The following CALN1 variants were observed in gnomAD, a reference collection of about 807,000 sequenced individuals.
CALN1 encodes calneuron 1.
Under a neutral mutation model 30.6 loss-of-function variants are expected in CALN1, and 17 were observed. The observed-to-expected ratio is 0.56, with a 90% CI of 0.38 to 0.83. The LOEUF (loss-of-function observed/expected upper bound fraction) is 0.83, where lower values mean the gene tolerates loss of function less well. Among genes scored for constraint, CALN1 ranks in the 40% least tolerant of loss-of-function variants. The pLI, the probability that CALN1 is intolerant of heterozygous loss-of-function variation, is 0.00. For missense variants in CALN1, 291 were observed against 354.9 expected, an observed-to-expected ratio of 0.82 and a Z score of 1.45; for synonymous variants, 156 against 131.4, an observed-to-expected ratio of 1.19 and a Z score of -1.28.
chr7:72,159,332 T>A (rs1164305962), intron 3 of CALN1, among the ~76,000 whole-genome samples: 1 of 152,144 alleles, frequency 6.6e-6, no homozygotes, highest in Admixed American at 6.6e-5. Context: ...AGACCCCATC[T>A]CAAAATCATT....
chr7:71,871,397 C>T (rs1179316569), intron 5 of CALN1, among the ~76,000 whole-genome samples: 1 of 149,688 alleles, frequency 6.7e-6, no homozygotes, highest in African/African-American at 2.4e-5. Flanking sequence ...ACCAGCCCTC[C>T]ACCTACTCCA....
chr7:72,306,920 G>A lies in CALN1; in HGVS notation c.120-28110C>T, dbSNP rs140249219. Among the ~76,000 whole-genome samples the A allele has an allele frequency of 2.5e-3, 375 of 152,126 alleles. 3 individuals carry two copies. Among genetic ancestry groups the A allele is most frequent in the Middle Eastern group, 0.017 (5 of 294 alleles). On this transcript the variant is annotated intron_variant, in intron 2 of 6. Transcript: ENST00000395275. ...GGTATTTTACAGAGTCTGACTCTTC[G>A]TTGACACTCCCAAAACCCCATCTCC...
rs1426432633 is a variant in CALN1, at chr7:72,177,152, T to C, written c.245-70858A>G. ...GAGCTACAAGAGCTCATTCACTCATTCATCTGTGCATTCATTCAATGAGCA... is the reference window on the plus strand; with the variant it reads ...GAGCTACAAGAGCTCATTCACTCATCCATCTGTGCATTCATTCAATGAGCA... On this transcript the variant is annotated intron_variant, in intron 3 of 6. Coordinates refer to ENST00000395275, the MANE Select transcript of CALN1 (RefSeq NM_031468.4). 2.0e-5 allele frequency among the ~76,000 whole-genome samples: 3 copies of C among 152,154 alleles called. No homozygotes were observed. The East Asian group carries it at 5.8e-4, about 29-fold the overall frequency.
At chr7:71,857,012 A>ATGTG (rs1554357055) in intron 5 of CALN1, among the ~76,000 whole-genome samples, 10 of 123,054 alleles carry the variant, frequency 8.1e-5, no homozygotes, top group Non-Finnish European at 1.3e-4. Context: ...TGGTGTGTAT[A>ATGTG]TGTATGTGTG....
At chr7:72,071,170 T>C (rs1185060806) in intron 4 of CALN1, among the ~76,000 whole-genome samples, 1 of 152,148 alleles carries the variant, frequency 6.6e-6, no homozygotes, top group Non-Finnish European at 1.5e-5. Context: ...CCCAATCCCA[T>C]GGCAGGGAGA....
chr7:72,252,817 G>C (rs483953), intron 3 of CALN1, among the ~76,000 whole-genome samples: 85,004 of 151,892 alleles, frequency 0.56, 24,079 homozygotes, highest in South Asian at 0.65. Context: ...TACTATGCCT[G>C]CTGCCACAAG....
At chr7:72,335,370 G>T (rs1295244805) in intron 2 of CALN1, among the ~76,000 whole-genome samples, 2 of 152,162 alleles carry the variant, frequency 1.3e-5, no homozygotes, top group East Asian at 1.9e-4. Context: ...ACCTGAAAAT[G>T]CTAGGAGCTC....
chr7:71,907,427 G>C (rs950095943), intron 5 of CALN1, among the ~76,000 whole-genome samples: 17 of 152,174 alleles, frequency 1.1e-4, no homozygotes, highest in African/African-American at 4.1e-4. Context: ...GCAAAGGTCA[G>C]TGATTCTCCA....
At chr7:72,387,518 A>G (rs1805306489) in intron 2 of CALN1, among the ~76,000 whole-genome samples, 1 of 152,152 alleles carries the variant, frequency 6.6e-6, no homozygotes, top group Non-Finnish European at 1.5e-5. Flanking sequence ...GGTCAACATC[A>G]ACGGTGACAG....
chr7:72,478,403 A>G, the CALN1 span, among the ~76,000 whole-genome samples: 3 of 146,440 alleles, frequency 2.0e-5, no homozygotes, highest in East Asian at 5.9e-4. Flanking sequence ...ATATATATAT[A>G]TTTTTTCTTA....
At position 72,388,188 on chromosome 7, in the gene CALN1, A is replaced by T. The variant is rs150590593; in HGVS notation, c.119+15063T>A. Among the ~76,000 whole-genome samples, 18 of 152,316 alleles carry T rather than the reference A, an allele frequency of 1.2e-4. No homozygotes were observed. The East Asian group carries it at 3.3e-3, about 28-fold the overall frequency. On this transcript the variant is annotated intron_variant, in intron 2 of 6. Transcript: ENST00000395275. ...TGCTAATTACCCTGATTTGATCAAT[A>T]CACAATCCACAAACGTGTAACATTA...
At chr7:71,943,467 A>T (rs950748367) in intron 5 of CALN1, among the ~76,000 whole-genome samples, 1 of 152,026 alleles carries the variant, frequency 6.6e-6, no homozygotes, top group Non-Finnish European at 1.5e-5. Flanking sequence ...TTGAGACAGG[A>T]TCTCACTCTG....
chr7:71,917,840 T>A (rs1794757429), intron 5 of CALN1, among the ~76,000 whole-genome samples: 1 of 152,180 alleles, frequency 6.6e-6, no homozygotes, highest in South Asian at 2.1e-4. Flanking sequence ...ACAATTGTGA[T>A]TATCTTACAC....
At chr7:71,849,746 G>T (rs1790529221) in intron 5 of CALN1, among the ~76,000 whole-genome samples, 3 of 151,978 alleles carry the variant, frequency 2.0e-5, no homozygotes, top group Admixed American at 2.0e-4. Flanking sequence ...TAGGCTCAAT[G>T]GATCCTCCCA....
intron 3 of CALN1, among the ~76,000 whole-genome samples, chr7:72,130,868 T>C (rs925393379): frequency 4.3e-5 from 6 of 139,578 alleles, no homozygotes; most frequent in African/African-American, 1.6e-4. Context: ...AGCACATATT[T>C]TTCTTAGGTA....
At chr7:71,911,321 G>T (rs921767480) in intron 5 of CALN1, among the ~76,000 whole-genome samples, 8 of 152,128 alleles carry the variant, frequency 5.3e-5, no homozygotes, top group Admixed American at 3.3e-4. Flanking sequence ...AGAGATCTTG[G>T]CATTGATCTG....
chr7:72,361,653 G>A (rs183891967), intron 2 of CALN1, among the ~76,000 whole-genome samples: 123 of 152,292 alleles, frequency 8.1e-4, no homozygotes, highest in Admixed American at 2.3e-3. Context: ...TCACTTACCA[G>A]AAGTTTACCA....
chr7:72,362,656 C>CTG (rs1803638700), intron 2 of CALN1, among the ~76,000 whole-genome samples: 1 of 152,172 alleles, frequency 6.6e-6, no homozygotes, highest in African/African-American at 2.4e-5. Context: ...ACACAGCTGG[C>CTG]TGTCATTCTG....
At chr7:72,254,836 G>A (rs1227184039) in intron 3 of CALN1, among the ~76,000 whole-genome samples, 8 of 151,648 alleles carry the variant, frequency 5.3e-5, no homozygotes, top group African/African-American at 1.7e-4. Flanking sequence ...GTGCCATCTC[G>A]GCTCACTGCA....
Sources: gnomAD v4.1 joint callset for allele counts (sites outside exome capture counted in the v4.1 genomes callset) on GRCh38, gnomAD v4.1.1 for gene constraint, MANE v1.5 for transcripts, NCBI Gene and HGNC (gene_info 2026-07-23, HGNC 2026-07-21) for gene names.